The following MB21D2 variants were observed in gnomAD, a reference collection of about 807,000 sequenced individuals.
MB21D2 encodes Mab-21 domain containing 2, also known as nucleotidyltransferase MB21D2.
In MB21D2, 9 loss-of-function variants were observed where a neutral mutation model predicts 33.3. The ratio of observed to expected loss-of-function variants is 0.27; its 90% CI spans 0.16 to 0.47. The LOEUF (loss-of-function observed/expected upper bound fraction) is 0.47. Among genes scored for constraint, MB21D2 ranks in the 20% least tolerant of loss-of-function variants. The probability of loss-of-function intolerance (pLI) is 0.99; values close to 1 mark genes in which losing one functional copy is unlikely to be tolerated. For synonymous variants in MB21D2, 241 were observed against 236.3 expected, an observed-to-expected ratio of 1.02 and a Z score of -0.18; for missense variants, 540 against 624.6, an observed-to-expected ratio of 0.86 and a Z score of 1.44.
chr3:192,809,806 G>A (rs1469413484), intron 1 of MB21D2, among the ~76,000 whole-genome samples: 2 of 152,226 alleles, frequency 1.3e-5, no homozygotes, highest in Non-Finnish European at 2.9e-5. Context: ...GGGTGCACAC[G>A]TGTGCGTGTG....
chr3:192,885,631 G>A (rs748613699), intron 1 of MB21D2, among the ~76,000 whole-genome samples: 5 of 152,074 alleles, frequency 3.3e-5, no homozygotes, highest in African/African-American at 4.8e-5. Context: ...GTCTCAGATG[G>A]CTCTGAAGTA....
chr3:192,904,597 T>G (rs1056756281), intron 1 of MB21D2, among the ~76,000 whole-genome samples: 11 of 152,134 alleles, frequency 7.2e-5, no homozygotes, highest in African/African-American at 2.7e-4. Context: ...GAAATGCAAA[T>G]TCTCAGGCTC....
At chr3:192,818,323 A>C (rs996947891) in intron 1 of MB21D2, among the ~76,000 whole-genome samples, 3 of 152,176 alleles carry the variant, frequency 2.0e-5, no homozygotes, top group African/African-American at 7.2e-5. Context: ...TGTAACATGA[A>C]CTGCTTGTAC....
intron 1 of MB21D2, among the ~76,000 whole-genome samples, chr3:192,839,243 C>T (rs1712517270): frequency 1.3e-5 from 2 of 152,148 alleles, no homozygotes; most frequent in South Asian, 4.1e-4. Flanking sequence ...GAGGTCAATA[C>T]AAACAGGTCA....
At chr3:192,853,059 A>G (rs1370677672) in intron 1 of MB21D2, among the ~76,000 whole-genome samples, 2 of 148,458 alleles carry the variant, frequency 1.3e-5, no homozygotes, top group African/African-American at 5.0e-5. Flanking sequence ...TCTCTCTGAG[A>G]CCATTTTCAT....
chr3:192,857,706 G>C (rs1712949217), intron 1 of MB21D2, among the ~76,000 whole-genome samples: 1 of 152,152 alleles, frequency 6.6e-6, no homozygotes, highest in Admixed American at 6.5e-5. Flanking sequence ...TGCCTTCCAT[G>C]CAGATAGGGA....
intron 1 of MB21D2, among the ~76,000 whole-genome samples, chr3:192,850,028 C>T (rs552422671): frequency 6.6e-6 from 1 of 151,812 alleles, no homozygotes; most frequent in South Asian, 2.1e-4. Flanking sequence ...AAGCAATTCT[C>T]CTGCCTCAGC....
intron 1 of MB21D2, among the ~76,000 whole-genome samples, chr3:192,874,008 A>G (rs1422271450): frequency 1.3e-5 from 2 of 152,218 alleles, no homozygotes; most frequent in East Asian, 3.9e-4. Flanking sequence ...GGCATTGAGC[A>G]CAGTGTTTTC....
intron 1 of MB21D2, among the ~76,000 whole-genome samples, chr3:192,875,560 T>C (rs185354403): frequency 6.6e-6 from 1 of 152,192 alleles, no homozygotes; most frequent in Non-Finnish European, 1.5e-5. Flanking sequence ...AATAATAATT[T>C]AAAAAGAAAA....
At chr3:192,806,317 G>A (rs1379330175) in intron 1 of MB21D2, among the ~76,000 whole-genome samples, 1 of 152,178 alleles carries the variant, frequency 6.6e-6, no homozygotes, top group Non-Finnish European at 1.5e-5. Flanking sequence ...GCTGAAATGT[G>A]TCCATACTCA....
intron 1 of MB21D2, among the ~76,000 whole-genome samples, chr3:192,806,776 C>T (rs1004316586): frequency 2.0e-5 from 3 of 152,164 alleles, no homozygotes; most frequent in Non-Finnish European, 4.4e-5. Context: ...AGAAAAATGC[C>T]TCTCTAATCT....
intron 1 of MB21D2, among the ~76,000 whole-genome samples, chr3:192,893,509 A>G (rs912609904): frequency 6.6e-6 from 1 of 152,240 alleles, no homozygotes; most frequent in African/African-American, 2.4e-5. Context: ...GATTAGCTGA[A>G]GATGACACAG....
rs1434654885 is a variant in MB21D2 at position 192,797,364 on chromosome 3, T to G, written c.*1022A>C. The stretch of plus-strand genomic sequence containing the variant: ...CAAAAGAAATAAATACAAAGACACC[T>G]ACTTCATCAAGTGTATATTTTCCCC... On this transcript the variant is annotated 3_prime_UTR_variant, in exon 2 of 2. Coordinates refer to ENST00000392452, the MANE Select transcript of MB21D2 (RefSeq NM_178496.4). The G allele has an allele frequency of 6.6e-6, 1 of 152,610 alleles. No individual in the cohort carries two copies. Among genetic ancestry groups the G allele is most frequent in the Non-Finnish European group, 1.5e-5 (1 of 68,034 alleles). 9.5% of individuals were successfully genotyped at this position (152,610 alleles called of 1,614,324 possible).
intron 1 of MB21D2, among the ~76,000 whole-genome samples, chr3:192,831,298 C>A (rs566734732): frequency 6.6e-5 from 10 of 152,228 alleles, no homozygotes; most frequent in Non-Finnish European, 1.3e-4. Flanking sequence ...GAAACTCTAG[C>A]CCCAGTCAAA....
At chr3:192,885,547 G>A (rs1713713852) in intron 1 of MB21D2, among the ~76,000 whole-genome samples, 1 of 152,054 alleles carries the variant, frequency 6.6e-6, no homozygotes, top group African/African-American at 2.4e-5. Context: ...TACGGGAAAA[G>A]GTAATTAAAC....
intron 1 of MB21D2, among the ~76,000 whole-genome samples, chr3:192,858,925 C>T (rs976366055): frequency 2.6e-5 from 4 of 152,310 alleles, no homozygotes; most frequent in Middle Eastern, 3.4e-3. Context: ...TTCCTGCACA[C>T]GGTGAGAATT....
intron 1 of MB21D2, among the ~76,000 whole-genome samples, chr3:192,817,925 T>G (rs894369432): frequency 4.1e-4 from 58 of 142,834 alleles, no homozygotes; most frequent in African/African-American, 1.3e-3. Context: ...AACTGCTCCC[T>G]TATGTTCTTA....
chr3:192,896,893 G>A (rs1713987111), intron 1 of MB21D2, among the ~76,000 whole-genome samples: 1 of 152,194 alleles, frequency 6.6e-6, no homozygotes, highest in African/African-American at 2.4e-5. Flanking sequence ...AGCATGGGAT[G>A]AAAGGAGCAG....
intron 1 of MB21D2, among the ~76,000 whole-genome samples, chr3:192,901,845 A>G (rs946305385): frequency 6.6e-6 from 1 of 152,212 alleles, no homozygotes; most frequent in South Asian, 2.1e-4. Context: ...CCCCACAATG[A>G]TAGACTACAT....
Sources: allele counts gnomAD v4.1 joint callset (sites outside exome capture counted in the v4.1 genomes callset), GRCh38; gene constraint gnomAD v4.1.1; transcripts MANE v1.5; gene names NCBI Gene and HGNC (gene_info 2026-07-23, HGNC 2026-07-21).